The following COL4A4 variants were observed in gnomAD, a reference collection of about 807,000 sequenced individuals.
COL4A4 encodes the protein collagen alpha-4(IV) chain.
COL4A4 carries 105 observed loss-of-function variants against 192.9 expected under a neutral mutation model. That is an observed-to-expected ratio of 0.54 (90% CI 0.46 to 0.64). The LOEUF (loss-of-function observed/expected upper bound fraction) is 0.64, where lower values mean the gene tolerates loss of function less well. Ranked by LOEUF, COL4A4 falls within the 30% of genes least tolerant of loss-of-function variation. The pLI is 0.00. For missense variants in COL4A4, 1,967 were observed against 2,169.3 expected, an observed-to-expected ratio of 0.91 and a Z score of 1.85; for synonymous variants, 762 against 769.9, an observed-to-expected ratio of 0.99 and a Z score of 0.17.
At chr2:227,109,002 T>G (rs2061020274) in intron 10 of COL4A4, 134 bp from the exon 11 acceptor site, 1 of 991,176 alleles carries the variant, frequency 1.0e-6, no homozygotes, top group African/African-American at 1.6e-5. Context: ...GGAGTTTCTA[T>G]CATGGATGGG....
chr2:227,060,075 A>C (rs1976506913), intron 27 of COL4A4, 61 bp downstream of exon 27: 4 of 1,020,670 alleles, frequency 3.9e-6, no homozygotes, highest in East Asian at 5.1e-5. Flanking sequence ...AATGTTAAAA[A>C]GTTCCTGATA....
intron 1 of COL4A4, 80 bp downstream of exon 1, chr2:227,163,927 T>G (rs1404247898): frequency 6.6e-6 from 1 of 152,450 alleles, no homozygotes; most frequent in African/African-American, 2.4e-5. Flanking sequence ...ACCCCTTGAA[T>G]GCCACGCTCC....
the COL4A4 span, chr2:226,988,387 C>T: frequency 6.5e-6 from 10 of 1,550,360 alleles, no homozygotes; most frequent in Non-Finnish European, 7.8e-6. Context: ...AGATAAAGGT[C>T]AGAACAGACA....
chr2:227,106,276 T>C (rs1413205584), intron 12 of COL4A4, among the ~76,000 whole-genome samples: 1 of 152,204 alleles, frequency 6.6e-6, no homozygotes, highest in African/African-American at 2.4e-5. Context: ...TAGCCACTCT[T>C]ATTCTTGTAA....
chr2:227,015,341 A>C (rs921678653), intron 44 of COL4A4, among the ~76,000 whole-genome samples: 21 of 152,240 alleles, frequency 1.4e-4, no homozygotes, highest in African/African-American at 5.1e-4. Flanking sequence ...TTACTGGACC[A>C]GCAGCAGCAG....
At chr2:226,988,409 T>C in the COL4A4 span, 1 of 1,550,514 alleles carries the variant, frequency 6.4e-7, no homozygotes, top group Non-Finnish European at 8.7e-7. Flanking sequence ...AGGACCCAGA[T>C]GCCTGGGAAG....
rs552304102 is a variant in COL4A4, at chr2:227,138,581, C to T, written c.192+1580G>A. 6.0e-5 allele frequency among the ~76,000 whole-genome samples: 9 copies of T among 151,120 alleles called. No homozygotes were observed. In the East Asian group the frequency reaches 1.2e-3, roughly 20 times the overall value. The stretch of plus-strand genomic sequence containing the variant: ...CTGAGAGGCGGAGCGTGCAGTGAGC[C>T]GAGATCGCGCCACCGCACTCCAGCC... On this transcript the variant is annotated intron_variant, in intron 4 of 47. Coordinates refer to ENST00000396625, the MANE Select transcript of COL4A4 (RefSeq NM_000092.5).
Position 227,099,644 on chromosome 2 carries a change from C to T in COL4A4, c.1075G>A (p.Val359Met). 1 of 1,614,118 alleles carries T rather than the reference C, an allele frequency of 6.2e-7. No individual in the cohort carries two copies. The highest frequency in any genetic ancestry group is 8.5e-7 in the Non-Finnish European group (1 of 1,179,996). ...CCTTTGAGTGGAAGAGGTGGAGTCA[C>T]CAAAACACCTGGTGGTCCTGGGTGC... is the stretch of plus-strand genomic sequence containing the variant. ...RGHPGPPGVL[V>M]TPPLPLKGPP... is the part of the protein sequence containing the mutation. Residue 359 changes from valine to methionine, a missense_variant, in exon 18 of 48, where the codon GTG becomes ATG. Coordinates refer to ENST00000396625, the MANE Select transcript of COL4A4 (RefSeq NM_000092.5).
chr2:227,077,974 C>A lies in COL4A4; in HGVS notation c.1907G>T (p.Gly636Val). Residue 636 changes from glycine (G) to valine (V), a missense_variant, in exon 25 of 48, where the codon GGT (glycine) becomes GTT (valine). Physicochemically the swap from Gly to Val is moderately radical, Grantham distance 109. Coordinates refer to ENST00000396625, the MANE Select transcript of COL4A4 (RefSeq NM_000092.5). ...TGGGTGGCCTCGCTCTCCTGGTGGACCAGGAAATCCCAGTCCTGGGGGCCC... is the reference window on the plus strand; with the variant it reads ...TGGGTGGCCTCGCTCTCCTGGTGGAACAGGAAATCCCAGTCCTGGGGGCCC... Reference protein sequence around the residue: ...PVGPPGLGFPGPPGERGHPGV... With the variant: ...PVGPPGLGFPVPPGERGHPGV... 1 of 1,613,818 alleles carries A rather than the reference C, an allele frequency of 6.2e-7. No individual in the cohort carries two copies. The highest frequency in any genetic ancestry group is 8.5e-7 in the Non-Finnish European group (1 of 1,179,994).
chr2:226,975,049 G>T, the COL4A4 span, among the ~76,000 whole-genome samples: 1 of 152,142 alleles, frequency 6.6e-6, no homozygotes, highest in Non-Finnish European at 1.5e-5. Context: ...TGGGTAGCAA[G>T]GAAATTATGT....
At chr2:227,035,599 GT>G (rs1969487188) in intron 37 of COL4A4, among the ~76,000 whole-genome samples, 1 of 150,558 alleles carries the variant, frequency 6.6e-6, no homozygotes, top group South Asian at 2.1e-4. Flanking sequence ...ACTTTTTACA[GT>G]TCTGGCTTAG....
At chr2:227,064,877 C>T (rs1043098281) in intron 25 of COL4A4, among the ~76,000 whole-genome samples, 2 of 152,132 alleles carry the variant, frequency 1.3e-5, no homozygotes, top group African/African-American at 4.8e-5. Context: ...ACAAGAAATG[C>T]TAAAAGGGAA....
intron 25 of COL4A4, among the ~76,000 whole-genome samples, chr2:227,065,431 CA>C (rs1242395955): frequency 1.3e-5 from 2 of 152,234 alleles, no homozygotes; most frequent in African/African-American, 4.8e-5. Context: ...GGGCAGGGCA[CA>C]GACAAACAAA....
chr2:227,056,012 G>T lies in COL4A4; in HGVS notation c.2649C>A (p.Pro883=). 2 of 1,613,980 alleles carry T rather than the reference G, an allele frequency of 1.2e-6. No individual in the cohort carries two copies. Among genetic ancestry groups the T allele is most frequent in the Non-Finnish European group, 1.7e-6 (2 of 1,179,948 alleles). The stretch of plus-strand genomic sequence containing the variant: ...GACCTGGGATTCCTGGGAGGCCTGG[G>T]GGACCATGTGCCCCAGGCCGTCCTG... The part of the protein sequence containing the change: ...GLPGRPGAHG[P]PGLPGIPGPF... The change falls in exon 30 of 48, where the codon CCC becomes CCA. Residue 883 remains proline (P), a synonymous_variant. Coordinates refer to ENST00000396625, the MANE Select transcript of COL4A4 (RefSeq NM_000092.5).
At chr2:227,062,637 T>C (rs1301796591) in intron 25 of COL4A4, 39 bp from the exon 26 acceptor site, 1 of 1,376,050 alleles carries the variant, frequency 7.3e-7, no homozygotes, top group Middle Eastern at 1.8e-4. Context: ...ACATAACTGA[T>C]AGCCCAGTGC....
rs1314394605 is a variant in COL4A4 at position 227,144,425 on chromosome 2, C to T, written c.114+91G>A. 4 of 1,113,592 alleles carry T rather than the reference C, an allele frequency of 3.6e-6. No individual in the cohort carries two copies. In the African/African-American group the frequency reaches 4.6e-5, roughly 13 times the overall value. The allele number at this position is 1,113,592 out of a possible 1,614,324, so 69.0% of individuals were successfully genotyped here. On this transcript the variant is annotated intron_variant, in intron 3 of 47. Coordinates refer to ENST00000396625, the MANE Select transcript of COL4A4 (RefSeq NM_000092.5). ...TTTTACAGGTAAGAAAATTGAGTCCCAGAGGGTGATTTCTTTGAAAGTATA... is the reference window on the plus strand; with the variant it reads ...TTTTACAGGTAAGAAAATTGAGTCCTAGAGGGTGATTTCTTTGAAAGTATA...
Position 227,047,692 on chromosome 2 carries a change from GAACA to G in COL4A4, c.3215-147_3215-144del, listed in dbSNP as rs1293041644. 47 of 552,534 alleles carry G rather than the reference GAACA, an allele frequency of 8.5e-5. 1 individual carries two copies. Among genetic ancestry groups the G allele is most frequent in the Non-Finnish European group, 1.7e-5 (5 of 299,774 alleles). The allele number at this position is 552,534 out of a possible 1,614,324, so 34.2% of individuals were successfully genotyped here. ...TTTTAAATACTTTTATTCTAAATAA[GAACA>G]AATAGAAATATAGATGCAAGATGCA... is the stretch of plus-strand genomic sequence containing the variant. On this transcript the variant is annotated intron_variant, in intron 34 of 47. Coordinates refer to ENST00000396625, the MANE Select transcript of COL4A4 (RefSeq NM_000092.5).
intron 40 of COL4A4, among the ~76,000 whole-genome samples, chr2:227,031,313 G>GTT: frequency 6.6e-6 from 1 of 152,050 alleles, no homozygotes; most frequent in South Asian, 2.1e-4. Context: ...TGTCTTTATG[G>GTT]AAGAGTTCTA....
chr2:227,118,340 C>T (rs2061599014), intron 7 of COL4A4, among the ~76,000 whole-genome samples: 3 of 152,154 alleles, frequency 2.0e-5, no homozygotes. Context: ...ACTATCTATT[C>T]TCTTCACAGC....
Sources: allele counts gnomAD v4.1 joint callset (sites outside exome capture counted in the v4.1 genomes callset), GRCh38; gene constraint gnomAD v4.1.1; transcripts MANE v1.5; gene names NCBI Gene and HGNC (gene_info 2026-07-23, HGNC 2026-07-21).